The following FBXW4 variants were observed in gnomAD, a reference collection of about 807,000 sequenced individuals.
The protein encoded by FBXW4 is F-box/WD repeat-containing protein 4.
FBXW4 carries 40 observed loss-of-function variants against 61.8 expected under a neutral mutation model. The observed-to-expected ratio is 0.65, with a 90% CI of 0.50 to 0.84. The LOEUF (loss-of-function observed/expected upper bound fraction) is 0.84, where lower values mean the gene tolerates loss of function less well. Ranked by LOEUF, FBXW4 falls within the 40% of genes least tolerant of loss-of-function variation. The pLI, the probability that FBXW4 is intolerant of heterozygous loss-of-function variation, is 0.00. For synonymous variants in FBXW4, 311 were observed against 313.8 expected, an observed-to-expected ratio of 0.99 and a Z score of 0.10; for missense variants, 672 against 753.8, an observed-to-expected ratio of 0.89 and a Z score of 1.27.
Position 101,695,115 on chromosome 10 carries a change from C to T in FBXW4, c.-10G>A. ...GGCCCTGGCTGCCCATGAGCGGCCG[C>T]GGGGCCGGCCCGACGCGGAGCCCAG... On this transcript the variant is annotated 5_prime_UTR_variant, in exon 1 of 9. Transcript: ENST00000331272. This position sits in a 1 kb window ranked among gnomAD's most constrained non-coding sequence, Gnocchi z 4.2. 1 of 985,384 alleles carries T rather than the reference C, an allele frequency of 1.0e-6. No homozygotes were observed. Among genetic ancestry groups the T allele is most frequent in the Non-Finnish European group, 1.2e-6 (1 of 830,162 alleles). 61.0% of individuals were successfully genotyped at this position (985,384 alleles called of 1,614,324 possible). A position where few individuals can be genotyped will look rare whatever the true frequency, so the allele number is the denominator to read the frequency against.
chr10:101,656,882 G>T (rs2064189822), intron 5 of FBXW4, among the ~76,000 whole-genome samples: 1 of 152,030 alleles, frequency 6.6e-6, no homozygotes. Flanking sequence ...GAAGATTTTG[G>T]ATGTTATCAC....
intron 5 of FBXW4, among the ~76,000 whole-genome samples, chr10:101,663,555 GC>G (rs1467813853): frequency 6.6e-6 from 1 of 151,934 alleles, no homozygotes. Context: ...ACTTCAGAAG[GC>G]CAAGGTGGGA....
chr10:101,635,491 T>C (rs2063993654), intron 5 of FBXW4, among the ~76,000 whole-genome samples: 1 of 151,724 alleles, frequency 6.6e-6, no homozygotes. Flanking sequence ...GCCAAATATG[T>C]TGGGGACTGC....
chr10:101,619,434 G>T (rs1471418098), intron 6 of FBXW4, among the ~76,000 whole-genome samples: 2 of 152,088 alleles, frequency 1.3e-5, no homozygotes, highest in African/African-American at 4.8e-5. Context: ...CGAGGCAGGT[G>T]GATCACGAGG....
intron 5 of FBXW4, among the ~76,000 whole-genome samples, chr10:101,650,043 T>C (rs2064133632): frequency 6.6e-6 from 1 of 152,168 alleles, no homozygotes; most frequent in South Asian, 2.1e-4. Flanking sequence ...CCTTGAGTCA[T>C]GCATAGGCAT....
chr10:101,615,078 C>T (rs764172312), intron 6 of FBXW4, among the ~76,000 whole-genome samples: 116 of 152,258 alleles, frequency 7.6e-4, no homozygotes, highest in Non-Finnish European at 1.3e-3. Flanking sequence ...CTTATAAAAA[C>T]GATTAGATTG....
chr10:101,633,837 G>C (rs542991739), intron 5 of FBXW4, among the ~76,000 whole-genome samples: 1 of 152,126 alleles, frequency 6.6e-6, no homozygotes, highest in Non-Finnish European at 1.5e-5. Flanking sequence ...CAGGCTGGGC[G>C]TGGTGGCTTA....
At position 101,688,067 on chromosome 10, in the gene FBXW4, A is replaced by C. The variant is rs527585741; in HGVS notation, c.725+6314T>G. Among the ~76,000 whole-genome samples, 13 of 152,366 alleles carry C rather than the reference A, an allele frequency of 8.5e-5. No homozygotes were observed. The South Asian group carries it at 2.7e-3, about 32-fold the overall frequency. On this transcript the variant is annotated intron_variant, in intron 1 of 8. Coordinates refer to ENST00000331272, the MANE Select transcript of FBXW4 (RefSeq NM_022039.4). The stretch of plus-strand genomic sequence containing the variant: ...TGGGGGAGAAAATATAATGTAAGGA[A>C]TGATTTGAAATCAGGGGCAGGAGAA...
intron 1 of FBXW4, among the ~76,000 whole-genome samples, chr10:101,681,283 G>T (rs1241643027): frequency 6.6e-6 from 1 of 151,612 alleles, no homozygotes; most frequent in African/African-American, 2.4e-5. Context: ...AGCTACTCGG[G>T]AGGCTAAGGC....
intron 5 of FBXW4, among the ~76,000 whole-genome samples, chr10:101,651,152 A>G (rs886853430): frequency 9.9e-5 from 15 of 152,262 alleles, no homozygotes; most frequent in African/African-American, 3.1e-4. Context: ...GGGATTGTAC[A>G]GGCCTGGAAC....
intron 6 of FBXW4, among the ~76,000 whole-genome samples, chr10:101,623,425 A>T (rs1461806018): frequency 2.0e-5 from 3 of 152,208 alleles, no homozygotes; most frequent in African/African-American, 7.2e-5. Flanking sequence ...AAGAAAAAAA[A>T]ATAGTGAAAT....
intron 1 of FBXW4, among the ~76,000 whole-genome samples, chr10:101,689,159 G>A (rs1056332593): frequency 6.6e-6 from 1 of 151,472 alleles, no homozygotes; most frequent in Non-Finnish European, 1.5e-5. Flanking sequence ...AAAGTATGGA[G>A]TACCGAAATA....
At chr10:101,619,242 C>T (rs2063849142) in intron 6 of FBXW4, among the ~76,000 whole-genome samples, 1 of 152,188 alleles carries the variant, frequency 6.6e-6, no homozygotes, top group East Asian at 1.9e-4. Context: ...GCTTGAAGAC[C>T]ACCTACCATC....
intron 5 of FBXW4, among the ~76,000 whole-genome samples, chr10:101,658,162 A>G (rs1161822067): frequency 6.6e-6 from 1 of 152,206 alleles, no homozygotes; most frequent in Non-Finnish European, 1.5e-5. Flanking sequence ...GAGAAGAAAT[A>G]TAGCTGGCAC....
chr10:101,647,747 A>G (rs1033085940), intron 5 of FBXW4, among the ~76,000 whole-genome samples: 2 of 152,248 alleles, frequency 1.3e-5, no homozygotes, highest in African/African-American at 2.4e-5. Flanking sequence ...TACACTTGAC[A>G]GTGGTATATA....
rs539513828 is a variant in FBXW4 at position 101,664,413 on chromosome 10, A to C, written c.1235+3473T>G. 1.2e-4 allele frequency among the ~76,000 whole-genome samples: 18 copies of C among 152,346 alleles called. No homozygotes were observed. In the East Asian group the frequency reaches 3.5e-3, roughly 29 times the overall value. Reference sequence around the variant, plus strand: ...CAAAGGGTTGAGAAATTGGCAGGTAAACCAGGAGTACCTGCCCTAGGGCCA... The same window carrying C: ...CAAAGGGTTGAGAAATTGGCAGGTACACCAGGAGTACCTGCCCTAGGGCCA... On this transcript the variant is annotated intron_variant, in intron 5 of 8. Transcript: ENST00000331272.
Position 101,694,821 on chromosome 10 carries a change from C to T in FBXW4, c.285G>A (p.Ala95=). Residue 95 remains alanine, a synonymous_variant, in exon 1 of 9, where the codon GCG becomes GCA. Coordinates refer to ENST00000331272, the MANE Select transcript of FBXW4 (RefSeq NM_022039.4). This position sits in a 1 kb window ranked among gnomAD's most constrained non-coding sequence, Gnocchi z 6.0. ...CCTCGACTCCCTTGACGATGCCTCT[C>T]GCCCCTTCCTCCACGCTTCTGCCTC... ...AEGGRSVEEG[A]RGIVKGVEGS... The T allele has an allele frequency of 2.3e-6, 3 of 1,311,716 alleles. No individual in the cohort carries two copies. The South Asian group carries it at 6.6e-5, about 29-fold the overall frequency. The allele number at this position is 1,311,716 out of a possible 1,614,324, so 81.3% of individuals were successfully genotyped here.
At chr10:101,688,449 G>A (rs2064555560) in intron 1 of FBXW4, among the ~76,000 whole-genome samples, 2 of 152,198 alleles carry the variant, frequency 1.3e-5, no homozygotes, top group African/African-American at 4.8e-5. Context: ...GGAGGGCAAT[G>A]TGGACAGTTT....
chr10:101,624,699 C>G (rs1299955799), intron 6 of FBXW4, 46 bp downstream of exon 6: 2 of 1,607,438 alleles, frequency 1.2e-6, no homozygotes, highest in South Asian at 1.1e-5. Context: ...CAAGCTTTCC[C>G]TCACCTCCTG....
Sources: gnomAD v4.1 joint callset for allele counts (sites outside exome capture counted in the v4.1 genomes callset) on GRCh38, gnomAD v4.1.1 for gene constraint, Gnocchi (gnomAD v3.1) non-coding constraint, MANE v1.5 for transcripts, NCBI Gene and HGNC (gene_info 2026-07-23, HGNC 2026-07-21) for gene names.